The following SEMA6C variants were observed in gnomAD, a reference collection of about 807,000 sequenced individuals.
SEMA6C encodes the protein semaphorin 6C, also known as semaphorin-6C.
SEMA6C carries 37 observed loss-of-function variants against 72.9 expected under a neutral mutation model. The ratio of observed to expected loss-of-function variants is 0.51; its 90% CI spans 0.39 to 0.67. The LOEUF (loss-of-function observed/expected upper bound fraction) is 0.67, where lower values mean the gene tolerates loss of function less well. SEMA6C is among the 30% of genes least tolerant of loss of function. SEMA6C has a pLI of 0.00. For missense variants in SEMA6C, 1,189 were observed against 1,263.6 expected, an observed-to-expected ratio of 0.94 and a Z score of 0.89; for synonymous variants, 578 against 554.1, an observed-to-expected ratio of 1.04 and a Z score of -0.61.
intron 5 of SEMA6C, 23 bp downstream of exon 5, chr1:151,139,615 C>T: frequency 6.2e-7 from 1 of 1,605,896 alleles, no homozygotes; most frequent in Non-Finnish European, 8.5e-7. Flanking sequence ...CACGTCTGCA[C>T]CTCTTCCCAC....
chr1:151,132,832 G>A lies in SEMA6C; in HGVS notation c.2445C>T (p.Ala815=). 1 of 1,290,650 alleles carries A rather than the reference G, an allele frequency of 7.7e-7. No homozygotes were observed. Among genetic ancestry groups the A allele is most frequent in the East Asian group, 3.5e-5 (1 of 28,470 alleles). The allele number at this position is 1,290,650 out of a possible 1,614,324, so 79.9% of individuals were successfully genotyped here. A position where few individuals can be genotyped will look rare whatever the true frequency, so the allele number is the denominator to read the frequency against. Residue 815 remains alanine (A), a synonymous_variant, in exon 19 of 19, where the codon GCC becomes GCT. Transcript: ENST00000368914. The part of the protein sequence containing the change: ...GGPSPRPHEC[A]SPLRLDVPPE... Reference sequence around the variant, plus strand: ...GGGGCACGTCCAGCCTCAGCGGCGAGGCGCACTCGTGGGGCCTGGGGCTGG... The same window carrying A: ...GGGGCACGTCCAGCCTCAGCGGCGAAGCGCACTCGTGGGGCCTGGGGCTGG...
At chr1:151,142,117 A>G (rs1572044342) in intron 3 of SEMA6C, among the ~76,000 whole-genome samples, 1 of 151,246 alleles carries the variant, frequency 6.6e-6, no homozygotes, top group East Asian at 1.9e-4. Flanking sequence ...GCTCACTGCA[A>G]GCTCCGCCTT....
Position 151,146,486 on chromosome 1 carries a change from C to CG in SEMA6C, c.-159dup, listed in dbSNP as rs1414597285. 6.6e-6 allele frequency: 1 copy of CG among 152,272 alleles called. No individual in the cohort carries two copies. Among genetic ancestry groups the CG allele is most frequent in the Admixed American group, 6.5e-5 (1 of 15,284 alleles). The allele number at this position is 152,272 out of a possible 1,614,324, so 9.4% of individuals were successfully genotyped here. On this transcript the variant is annotated 5_prime_UTR_variant, in exon 1 of 19. Coordinates refer to ENST00000368914, the MANE Select transcript of SEMA6C (RefSeq NM_030913.6). The surrounding 1 kb of genome is among the most constrained non-coding windows in gnomAD (Gnocchi z 4.6). Reference sequence around the variant, plus strand: ...TCGCCGCGGGCGGCCAGCGGCCACGCGCTGCGCTGAGTTCGCAATCCGTGG... The same window carrying CG: ...TCGCCGCGGGCGGCCAGCGGCCACGCGGCTGCGCTGAGTTCGCAATCCGTGG...
intron 6 of SEMA6C, 55 bp from the exon 7 acceptor site, chr1:151,138,786 G>A: frequency 2.1e-6 from 3 of 1,402,116 alleles, no homozygotes; most frequent in Non-Finnish European, 2.0e-6. Context: ...CTGAGAACAG[G>A]AGGTAATAGA....
chr1:151,144,938 C>T (rs1682825204), intron 1 of SEMA6C: 1 of 152,402 alleles, frequency 6.6e-6, no homozygotes, highest in Admixed American at 6.5e-5. Context: ...CACACACTCA[C>T]ACCCCACTTT....
chr1:151,134,286 A>C, intron 18 of SEMA6C, 115 bp downstream of exon 18: 1 of 1,071,588 alleles, frequency 9.3e-7, no homozygotes, highest in Non-Finnish European at 1.4e-6. Flanking sequence ...GAGGATGCCG[A>C]CCCTTTTCCG....
chr1:151,137,838 T>C (rs771144352), intron 9 of SEMA6C, 39 bp from the exon 10 acceptor site: 3 of 1,597,874 alleles, frequency 1.9e-6, no homozygotes, highest in East Asian at 4.5e-5. Flanking sequence ...TAGAAGAGTA[T>C]CTGTACCTGC....
At chr1:151,136,653 C>T in intron 11 of SEMA6C, 74 bp from the exon 12 acceptor site, 1 of 1,563,012 alleles carries the variant, frequency 6.4e-7, no homozygotes, top group Non-Finnish European at 8.8e-7. Flanking sequence ...GAAGTGGTGG[C>T]ACCCTTCATA....
At chr1:151,136,258 C>T in intron 12 of SEMA6C, 95 bp from the exon 13 acceptor site, 1 of 1,533,222 alleles carries the variant, frequency 6.5e-7, no homozygotes, top group South Asian at 1.2e-5. Flanking sequence ...GACTGGAAAG[C>T]CTTGCTCCCC....
intron 4 of SEMA6C, 107 bp downstream of exon 4, chr1:151,139,869 T>C: frequency 1.6e-6 from 2 of 1,261,970 alleles, no homozygotes; most frequent in South Asian, 2.6e-5. Flanking sequence ...CCCCGTGGCT[T>C]GTGCACCTGC....
At position 151,132,776 on chromosome 1, in the gene SEMA6C, C is replaced by T; in HGVS notation, c.2501G>A (p.Arg834Gln). 7.2e-7 allele frequency: 1 copy of T among 1,390,326 alleles called. No individual in the cohort carries two copies. The highest frequency in any genetic ancestry group is 9.4e-7 in the Non-Finnish European group (1 of 1,068,922). 86.1% of individuals were successfully genotyped at this position (1,390,326 alleles called of 1,614,324 possible). A position where few individuals can be genotyped will look rare whatever the true frequency, so the allele number is the denominator to read the frequency against. ...PEGRCASAPA[R>Q]PALSAPAPRL... is the part of the protein sequence containing the mutation. ...GGGAGCGGGGGCGGAGAGCGCGGGC[C>T]GGGCGGGGGCAGAGGCGCACCTGCC... Residue 834 changes from arginine to glutamine, a missense_variant, in exon 19 of 19, where the codon CGG (arginine) becomes CAG (glutamine). Arg to Gln is a conservative substitution (Grantham distance 43). Transcript: ENST00000368914.
rs779726398 is a variant in SEMA6C, at chr1:151,143,512, G to A, written c.-54-837C>T. Among the ~76,000 whole-genome samples the A allele has an allele frequency of 8.0e-4, 121 of 152,144 alleles. 1 individual carries two copies. The highest frequency in any genetic ancestry group is 1.5e-3 in the Admixed American group (23 of 15,270). On this transcript the variant is annotated intron_variant, in intron 2 of 18. Coordinates refer to ENST00000368914, the MANE Select transcript of SEMA6C (RefSeq NM_030913.6). ...ACCCACCCCCTATGAGAAGCCAGGG[G>A]TACAAGGGACTAGTGAAGCAAAATG...
intron 3 of SEMA6C, among the ~76,000 whole-genome samples, chr1:151,140,633 C>G (rs1171418950): frequency 6.6e-6 from 1 of 152,188 alleles, no homozygotes; most frequent in Non-Finnish European, 1.5e-5. Context: ...CTGGCCTGAT[C>G]GTGGTGGAAA....
chr1:151,138,657 T>C lies in SEMA6C; in HGVS notation c.429A>G (p.Ser143=), dbSNP rs768302174. Reference sequence around the variant, plus strand: ...CATAGCTGCGGCACACAGGGCTGAATGAGTTCGTTCCACAGGCAAGGAGCG... The same window carrying C: ...CATAGCTGCGGCACACAGGGCTGAACGAGTTCGTTCCACAGGCAAGGAGCG... The part of the protein sequence containing the change: ...SQTLLACGTN[S]FSPVCRSYGI... Residue 143 remains serine (S), a synonymous_variant, in exon 7 of 19, where the codon TCA becomes TCG. Transcript: ENST00000368914. 1.9e-5 allele frequency: 31 copies of C among 1,614,142 alleles called. No homozygotes were observed. Among genetic ancestry groups the C allele is most frequent in the Non-Finnish European group, 2.6e-5 (31 of 1,179,986 alleles).
In SEMA6C at chr1:151,142,614, C is replaced by T. The variant is rs150705082; in HGVS notation, c.8G>A (p.Arg3His). The change falls in exon 3 of 19, where the codon CGT becomes CAT. Residue 3 changes from arginine (R) to histidine (H), a missense_variant. Around this residue, in one of 2 missense-constraint regions of SEMA6C, gnomAD observed 468 missense variants for 577.4 expected, o/e 0.81. Coordinates refer to ENST00000368914, the MANE Select transcript of SEMA6C (RefSeq NM_030913.6). MP[R>H]APHFMPLLLL... is the part of the protein sequence containing the mutation. ...CAGCAAGGGCATGAAGTGGGGGGCA[C>T]GGGGCATCCTGTGCGGGGCAGCTCA... 3.5e-5 allele frequency: 55 copies of T among 1,581,188 alleles called. No individual in the cohort carries two copies. The highest frequency in any genetic ancestry group is 1.1e-4 in the Admixed American group (6 of 56,028).
At chr1:151,140,302 T>C (rs587741875) in intron 3 of SEMA6C, among the ~76,000 whole-genome samples, 2 of 152,334 alleles carry the variant, frequency 1.3e-5, no homozygotes, top group East Asian at 3.9e-4. Flanking sequence ...CATGGTCCTA[T>C]GAGGTAGCTT....
intron 15 of SEMA6C, 123 bp downstream of exon 15, chr1:151,135,040 A>C (rs951345539): frequency 7.0e-7 from 1 of 1,433,576 alleles, no homozygotes; most frequent in Admixed American, 1.8e-5. Context: ...AGAATGCTTG[A>C]GGTACCTAGG....
chr1:151,137,961 C>A, intron 9 of SEMA6C, 25 bp downstream of exon 9: 1 of 1,608,744 alleles, frequency 6.2e-7, no homozygotes, highest in Non-Finnish European at 8.5e-7. Flanking sequence ...CAATAACAGT[C>A]TCCTTTCCCC....
chr1:151,139,109 A>G (rs79347451), intron 6 of SEMA6C, among the ~76,000 whole-genome samples: 1 of 151,798 alleles, frequency 6.6e-6, no homozygotes, highest in Non-Finnish European at 1.5e-5. Flanking sequence ...AAAAAAAAAA[A>G]AAGAAAAGAA....
Sources: allele counts gnomAD v4.1 joint callset (sites outside exome capture counted in the v4.1 genomes callset), GRCh38; gene constraint gnomAD v4.1.1; regional missense constraint gnomAD v4.1.1; non-coding constraint Gnocchi (gnomAD v3.1); transcripts MANE v1.5; gene names NCBI Gene and HGNC (gene_info 2026-07-23, HGNC 2026-07-21).